MARCHF11: variants seen among roughly 807,000 people sequenced by gnomAD.
MARCHF11 encodes the protein E3 ubiquitin-protein ligase MARCHF11.
In MARCHF11, 29 loss-of-function variants were observed where a neutral mutation model predicts 37.3. That is an observed-to-expected ratio of 0.78 (90% CI 0.58 to 1.06). The LOEUF (loss-of-function observed/expected upper bound fraction) is 1.06. Among genes scored for constraint, MARCHF11 ranks in the 50% least tolerant of loss-of-function variants. The pLI is 0.00. For synonymous variants in MARCHF11, 233 were observed against 228.0 expected, an observed-to-expected ratio of 1.02 and a Z score of -0.20; for missense variants, 482 against 533.4, an observed-to-expected ratio of 0.90 and a Z score of 0.95.
At chr5:16,142,689 CT>C (rs11369577) in intron 2 of MARCHF11, among the ~76,000 whole-genome samples, 205 of 110,310 alleles carry the variant, frequency 1.9e-3, no homozygotes, top group South Asian at 4.0e-3. Context: ...TATATTTTAT[CT>C]TTTTTTTTTT....
At chr5:16,071,332 G>C (rs1005232696) in intron 3 of MARCHF11, among the ~76,000 whole-genome samples, 1 of 152,166 alleles carries the variant, frequency 6.6e-6, no homozygotes, top group Non-Finnish European at 1.5e-5. Context: ...GAGTTGAGGA[G>C]TGTGTGCATG....
intron 2 of MARCHF11, among the ~76,000 whole-genome samples, chr5:16,120,790 G>A (rs1737297668): frequency 6.6e-6 from 1 of 152,170 alleles, no homozygotes; most frequent in African/African-American, 2.4e-5. Context: ...ACTTCTTGGA[G>A]GATGAGAGGC....
At chr5:16,078,156 A>G (rs986121213) in intron 3 of MARCHF11, among the ~76,000 whole-genome samples, 58 of 152,222 alleles carry the variant, frequency 3.8e-4, no homozygotes, top group African/African-American at 1.3e-3. Context: ...GGGTCATCTT[A>G]CTCATTACAC....
Position 16,149,953 on chromosome 5 carries a change from G to T in MARCHF11, c.693+27773C>A, listed in dbSNP as rs564030426. Reference sequence around the variant, plus strand: ...CAAGACAAGACAATAAACACCATGAGATTCCATTTATACAAAGTCCATAAA... The same window carrying T: ...CAAGACAAGACAATAAACACCATGATATTCCATTTATACAAAGTCCATAAA... On this transcript the variant is annotated intron_variant, in intron 2 of 3. Transcript: ENST00000332432. Among the ~76,000 whole-genome samples, 9 of 150,372 alleles carry T rather than the reference G, an allele frequency of 6.0e-5. No individual in the cohort carries two copies. The East Asian group carries it at 1.8e-3, about 29-fold the overall frequency.
intron 2 of MARCHF11, among the ~76,000 whole-genome samples, chr5:16,135,872 A>G (rs1737604475): frequency 7.6e-6 from 1 of 132,180 alleles, no homozygotes; most frequent in Non-Finnish European, 1.6e-5. Flanking sequence ...GAGGAAGTGA[A>G]AGAGATTTAA....
chr5:16,137,171 A>G (rs1737623302), intron 2 of MARCHF11, among the ~76,000 whole-genome samples: 1 of 152,194 alleles, frequency 6.6e-6, no homozygotes, highest in Admixed American at 6.5e-5. Context: ...AAAAATCGGT[A>G]TACTGATATG....
intron 2 of MARCHF11, among the ~76,000 whole-genome samples, chr5:16,128,441 G>A (rs529518283): frequency 5.9e-5 from 9 of 152,212 alleles, no homozygotes; most frequent in Middle Eastern, 3.4e-3. Flanking sequence ...AGTTGCTGAG[G>A]AGCTATCAAC....
intron 2 of MARCHF11, among the ~76,000 whole-genome samples, chr5:16,108,186 CT>C (rs1737077101): frequency 6.6e-6 from 1 of 152,182 alleles, no homozygotes; most frequent in African/African-American, 2.4e-5. Flanking sequence ...GCACCCACCC[CT>C]AGACATAATC....
intron 2 of MARCHF11, among the ~76,000 whole-genome samples, chr5:16,135,879 T>TAAAA (rs200868869): frequency 2.7e-5 from 3 of 112,648 alleles, no homozygotes; most frequent in Non-Finnish European, 3.5e-5. Flanking sequence ...TGAAAGAGAT[T>TAAAA]TAAAAAAAAA....
At chr5:16,070,975 C>T (rs1275564203) in intron 3 of MARCHF11, among the ~76,000 whole-genome samples, 5 of 151,928 alleles carry the variant, frequency 3.3e-5, no homozygotes, top group African/African-American at 9.7e-5. Context: ...AATGCTGTGG[C>T]GTTACGGCGA....
At chr5:16,142,468 A>G (rs1302845996) in intron 2 of MARCHF11, among the ~76,000 whole-genome samples, 2 of 152,136 alleles carry the variant, frequency 1.3e-5, no homozygotes, top group African/African-American at 4.8e-5. Flanking sequence ...GGGTAAACAC[A>G]TAGCAAAATA....
chr5:16,073,766 A>G (rs1736473192), intron 3 of MARCHF11, among the ~76,000 whole-genome samples: 2 of 152,172 alleles, frequency 1.3e-5, no homozygotes, highest in South Asian at 4.1e-4. Flanking sequence ...AGATATCTGG[A>G]AACTACAATG....
At chr5:16,098,507 C>G (rs1284209841) in intron 2 of MARCHF11, among the ~76,000 whole-genome samples, 5 of 152,258 alleles carry the variant, frequency 3.3e-5, no homozygotes, top group African/African-American at 1.2e-4. Flanking sequence ...TGGCTCACAC[C>G]TGTAATCCCA....
At position 16,067,519 on chromosome 5, in the gene MARCHF11, T is replaced by C. The variant is rs748339737; in HGVS notation, c.1161A>G (p.Ser387=). ...CAACCTCCCCCGAGCTGTTATCTTC[T>C]GATAAGTCTTCATGGGGCCTCATCC... ...FNRMRPHEDL[S]EDNSSGEVVM... Residue 387 remains serine, a synonymous_variant, in exon 4 of 4, where the codon TCA becomes TCG. Transcript: ENST00000332432. 1 of 1,613,986 alleles carries C rather than the reference T, an allele frequency of 6.2e-7. No homozygotes were observed. The highest frequency in any genetic ancestry group is 8.5e-7 in the Non-Finnish European group (1 of 1,179,870).
chr5:16,083,088 G>C (rs1023650380), intron 3 of MARCHF11, among the ~76,000 whole-genome samples: 1 of 152,346 alleles, frequency 6.6e-6, no homozygotes, highest in East Asian at 1.9e-4. Flanking sequence ...TGTGATGAAA[G>C]TCTTTTGATG....
chr5:16,096,805 C>T (rs1736876219), intron 2 of MARCHF11, among the ~76,000 whole-genome samples: 1 of 152,166 alleles, frequency 6.6e-6, no homozygotes, highest in Non-Finnish European at 1.5e-5. Context: ...CTCTAAGAAG[C>T]TATTTAGAAA....
chr5:16,091,162 C>T (rs1330985310), intron 2 of MARCHF11, 81 bp from the exon 3 acceptor site: 2 of 1,154,138 alleles, frequency 1.7e-6, no homozygotes, highest in Non-Finnish European at 2.3e-6. Flanking sequence ...TCCTGTGTTT[C>T]TTTTCATAAT....
At chr5:16,126,924 G>T (rs1027869000) in intron 2 of MARCHF11, among the ~76,000 whole-genome samples, 2 of 152,090 alleles carry the variant, frequency 1.3e-5, no homozygotes, top group African/African-American at 4.8e-5. Flanking sequence ...ATTAAAAATT[G>T]GGGGAATATT....
intron 3 of MARCHF11, among the ~76,000 whole-genome samples, chr5:16,083,058 G>A (rs1003200374): frequency 6.6e-6 from 1 of 152,182 alleles, no homozygotes; most frequent in Admixed American, 6.5e-5. Context: ...CAAATGGTTG[G>A]ATTTGGGCTC....
Sources: allele counts gnomAD v4.1 joint callset (sites outside exome capture counted in the v4.1 genomes callset), GRCh38; gene constraint gnomAD v4.1.1; transcripts MANE v1.5; gene names NCBI Gene and HGNC (gene_info 2026-07-23, HGNC 2026-07-21).